The following CCDC112 variants were observed in gnomAD, a reference collection of about 807,000 sequenced individuals.
The protein encoded by CCDC112 is coiled-coil domain-containing protein 112.
In CCDC112, 40 loss-of-function variants were observed where a neutral mutation model predicts 66.3. The observed-to-expected ratio is 0.60, with a 90% CI of 0.47 to 0.79. CCDC112 has a LOEUF of 0.79. Ranked by LOEUF, CCDC112 falls within the 30% of genes least tolerant of loss-of-function variation. The pLI is 0.00. For synonymous variants in CCDC112, 214 were observed against 197.2 expected (o/e 1.09, Z -0.71); for missense variants, 659 against 603.8 (o/e 1.09, Z -0.96).
intron 1 of CCDC112, among the ~76,000 whole-genome samples, chr5:115,292,228 T>C (rs1423286062): frequency 6.6e-6 from 1 of 152,208 alleles, no homozygotes; most frequent in African/African-American, 2.4e-5. Flanking sequence ...ATAATGTGAA[T>C]TGACCTATCT....
At chr5:115,287,682 A>G (rs547994063) in intron 1 of CCDC112, among the ~76,000 whole-genome samples, 66 of 147,342 alleles carry the variant, frequency 4.5e-4, no homozygotes, top group African/African-American at 1.6e-3. Context: ...ACAGATGTTA[A>G]CCAATCCCCT....
Position 115,296,586 on chromosome 5 carries a change from C to T in CCDC112, c.-43G>A. The T allele has an allele frequency of 2.8e-6, 4 of 1,426,320 alleles. No homozygotes were observed. Among genetic ancestry groups the T allele is most frequent in the Non-Finnish European group, 3.7e-6 (4 of 1,094,374 alleles). The allele number at this position is 1,426,320 out of a possible 1,614,324, so 88.4% of individuals were successfully genotyped here. ...CTCGGGCCGCGGCGGCCACCGGTGC[C>T]TGGGGATTCGTGGCAGGCGCACCCT... is the stretch of plus-strand genomic sequence containing the variant. On this transcript the variant is annotated 5_prime_UTR_variant, in exon 1 of 10. Coordinates refer to ENST00000379611, the MANE Select transcript of CCDC112 (RefSeq NM_001040440.3).
rs191330920 is a variant in CCDC112 at position 115,272,840 on chromosome 5, C to T, written c.919-1214G>A. Reference sequence around the variant, plus strand: ...AATATTAAAACTATACCAAATGCCACCTAGTACAGTGCTACTCAAAATACC... The same window carrying T: ...AATATTAAAACTATACCAAATGCCATCTAGTACAGTGCTACTCAAAATACC... On this transcript the variant is annotated intron_variant, in intron 6 of 9. Transcript: ENST00000379611. Among the ~76,000 whole-genome samples, 4 of 152,226 alleles carry T rather than the reference C, an allele frequency of 2.6e-5. No individual in the cohort carries two copies. In the East Asian group the frequency reaches 7.7e-4, roughly 29 times the overall value.
At chr5:115,273,370 G>C (rs1347732669) in intron 6 of CCDC112, among the ~76,000 whole-genome samples, 1 of 152,184 alleles carries the variant, frequency 6.6e-6, no homozygotes, top group African/African-American at 2.4e-5. Context: ...GGAAGTGGGA[G>C]ATAAAAATGG....
chr5:115,280,266 G>A (rs1027028126), intron 2 of CCDC112: 9 of 156,910 alleles, frequency 5.7e-5, no homozygotes, highest in African/African-American at 2.2e-4. Flanking sequence ...GATAATATAT[G>A]TGGGAGATCT....
chr5:115,269,732 GT>G lies in CCDC112; in HGVS notation c.1398del (p.Lys466AsnfsTer8). ...RQAKEDEKSQKQRRLAKLKEK... is the reference protein window; with the variant it reads ...RQAKEDEKSQXQRRLAKLKEK... ...TCTTTTAATTTTGCCAGTCTTCTTT[GT>G]TTTTGTGACTTTTCATCTTCCTTTG... On this transcript the variant is annotated frameshift_variant, in exon 8 of 10. Coordinates refer to ENST00000379611, the MANE Select transcript of CCDC112 (RefSeq NM_001040440.3). LOFTEE classifies it high-confidence loss of function. The G allele has an allele frequency of 6.3e-7, 1 of 1,599,516 alleles. No homozygotes were observed. Among genetic ancestry groups the G allele is most frequent in the South Asian group, 1.1e-5 (1 of 88,894 alleles).
At chr5:115,272,490 G>T (rs1749048032) in intron 6 of CCDC112, among the ~76,000 whole-genome samples, 1 of 152,196 alleles carries the variant, frequency 6.6e-6, no homozygotes, top group South Asian at 2.1e-4. Flanking sequence ...CTATAAAATG[G>T]TAGGTAGGAT....
intron 1 of CCDC112, among the ~76,000 whole-genome samples, chr5:115,288,322 A>G (rs1285599953): frequency 6.6e-6 from 1 of 152,174 alleles, no homozygotes; most frequent in Non-Finnish European, 1.5e-5. Flanking sequence ...TTTCCAGCTT[A>G]AATTTGGAGG....
In CCDC112 at chr5:115,294,848, T is replaced by C. The variant is rs528144671; in HGVS notation, c.117+1579A>G. Reference sequence around the variant, plus strand: ...TCCTAAACATTATCACAATATAGCATGCAGTAATGCTGCATTGTTTTGTTT... The same window carrying C: ...TCCTAAACATTATCACAATATAGCACGCAGTAATGCTGCATTGTTTTGTTT... On this transcript the variant is annotated intron_variant, in intron 1 of 9. Coordinates refer to ENST00000379611, the MANE Select transcript of CCDC112 (RefSeq NM_001040440.3). 3.9e-5 allele frequency among the ~76,000 whole-genome samples: 6 copies of C among 152,320 alleles called. No individual in the cohort carries two copies. In the South Asian group the frequency reaches 1.0e-3, roughly 26 times the overall value.
At chr5:115,269,044 A>G in intron 8 of CCDC112, 44 bp from the exon 9 acceptor site, 2 of 1,101,914 alleles carry the variant, frequency 1.8e-6, no homozygotes, top group South Asian at 1.4e-5. Context: ...ATACAAACTC[A>G]GTTTGTACTA....
chr5:115,296,374 G>A (rs1390669947), intron 1 of CCDC112, 53 bp downstream of exon 1: 5 of 1,531,010 alleles, frequency 3.3e-6, no homozygotes, highest in East Asian at 2.7e-5. Flanking sequence ...TTCAGCCAGG[G>A]CCTGCAGCCC....
intron 1 of CCDC112, among the ~76,000 whole-genome samples, chr5:115,290,393 T>C (rs2127074911): frequency 6.6e-6 from 1 of 152,350 alleles, no homozygotes; most frequent in Middle Eastern, 3.4e-3. Flanking sequence ...AGTTAAATTC[T>C]GAATTTAACA....
At position 115,267,721 on chromosome 5, in the gene CCDC112, A is replaced by C; in HGVS notation, c.*155T>G. Reference sequence around the variant, plus strand: ...GGTAGAAGCAGGAATACTAATGACAAAGCCTCATGAAACTTAATACCTCTC... The same window carrying C: ...GGTAGAAGCAGGAATACTAATGACACAGCCTCATGAAACTTAATACCTCTC... On this transcript the variant is annotated 3_prime_UTR_variant, in exon 10 of 10. Transcript: ENST00000379611. 1 of 670,738 alleles carries C rather than the reference A, an allele frequency of 1.5e-6. No individual in the cohort carries two copies. Among genetic ancestry groups the C allele is most frequent in the East Asian group, 2.8e-5 (1 of 36,118 alleles). 41.5% of individuals were successfully genotyped at this position (670,738 alleles called of 1,614,324 possible).
chr5:115,275,559 C>G lies in CCDC112; in HGVS notation c.575G>C (p.Ser192Thr). 1 of 1,609,742 alleles carries G rather than the reference C, an allele frequency of 6.2e-7. No individual in the cohort carries two copies. Among genetic ancestry groups the G allele is most frequent in the Non-Finnish European group, 8.5e-7 (1 of 1,177,096 alleles). Reference protein sequence around the residue: ...KEEKTTNNELSAISRKIDTWA... With the variant: ...KEEKTTNNELTAISRKIDTWA... ...TGTGTCAATTTTTCTTGATATGGCACTCAACTCATTATTAGTTGTCTTCTC... is the reference window on the plus strand; with the variant it reads ...TGTGTCAATTTTTCTTGATATGGCAGTCAACTCATTATTAGTTGTCTTCTC... Residue 192 changes from serine (S) to threonine (T), a missense_variant, in exon 6 of 10, where the codon AGT becomes ACT. By Grantham distance (58) the Ser-to-Thr change is moderately conservative. Coordinates refer to ENST00000379611, the MANE Select transcript of CCDC112 (RefSeq NM_001040440.3).
chr5:115,275,051 T>G (rs1225373711), intron 6 of CCDC112, among the ~76,000 whole-genome samples, 165 bp downstream of exon 6: 3 of 152,170 alleles, frequency 2.0e-5, no homozygotes, highest in African/African-American at 7.2e-5. Context: ...CTAAAATTAC[T>G]TAACTTTCAA....
chr5:115,280,832 T>G (rs1360600597), intron 2 of CCDC112, among the ~76,000 whole-genome samples: 1 of 151,964 alleles, frequency 6.6e-6, no homozygotes, highest in South Asian at 2.1e-4. Context: ...TGAGCCATCA[T>G]GCCCAGCCAA....
At chr5:115,279,812 T>A (rs1391691961) in intron 2 of CCDC112, 44 bp from the exon 3 acceptor site, 3 of 1,039,922 alleles carry the variant, frequency 2.9e-6, no homozygotes, top group East Asian at 2.7e-5. Flanking sequence ...TCTAAATATA[T>A]TTTTAATAGT....
rs981123489 is a variant in CCDC112 at position 115,275,305 on chromosome 5, C to T, written c.829G>A (p.Glu277Lys). 6.2e-7 allele frequency: 1 copy of T among 1,613,922 alleles called. No homozygotes were observed. The highest frequency in any genetic ancestry group is 8.5e-7 in the Non-Finnish European group (1 of 1,179,920). Residue 277 changes from glutamate to lysine, a missense_variant, in exon 6 of 10, where the codon GAA becomes AAA. Coordinates refer to ENST00000379611, the MANE Select transcript of CCDC112 (RefSeq NM_001040440.3). ...TCTTGTGTTTTTCCAGGAAGGTGTT[C>T]TAGAACTTCTTCCATAAATGTTGGC... The part of the protein sequence containing the change: ...GKPTFMEEVL[E>K]HLPGKTQDEV...
At chr5:115,277,238 T>A (rs1749244789) in intron 3 of CCDC112, 184 bp from the exon 4 acceptor site, 2 of 462,632 alleles carry the variant, frequency 4.3e-6, no homozygotes, top group Non-Finnish European at 7.7e-6. Context: ...CATCCTTCAA[T>A]ATCTTTCAAT....
Sources: allele counts gnomAD v4.1 joint callset (sites outside exome capture counted in the v4.1 genomes callset), GRCh38; gene constraint gnomAD v4.1.1; transcripts MANE v1.5; gene names NCBI Gene and HGNC (gene_info 2026-07-23, HGNC 2026-07-21).